Variants in MUSK observed in about 807,000 individuals in gnomAD.
MUSK encodes muscle, skeletal receptor tyrosine-protein kinase.
MUSK carries 55 observed loss-of-function variants against 88.7 expected under a neutral mutation model. The observed-to-expected ratio is 0.62, with a 90% CI of 0.50 to 0.78. The LOEUF (loss-of-function observed/expected upper bound fraction) is 0.78. Among genes scored for constraint, MUSK ranks in the 30% least tolerant of loss-of-function variants. MUSK has a pLI of 0.00. For synonymous variants in MUSK, 387 were observed against 391.9 expected (o/e 0.99, Z 0.15); for missense variants, 1,015 against 1,074.3 (o/e 0.94, Z 0.77).
intron 1 of MUSK, among the ~76,000 whole-genome samples, chr9:110,681,749 G>T (rs796357743): frequency 1.1e-4 from 17 of 151,908 alleles, no homozygotes; most frequent in African/African-American, 3.9e-4. Context: ...TAATAATAAG[G>T]TTTATTCAGA....
intron 1 of MUSK, among the ~76,000 whole-genome samples, chr9:110,676,070 T>A (rs989253875): frequency 1.3e-5 from 2 of 152,070 alleles, no homozygotes; most frequent in African/African-American, 4.8e-5. Context: ...ACTTTATGAA[T>A]TATAAGTTTG....
At chr9:110,723,234 T>TACACACACACACACACACACACAC (rs143582345) in intron 5 of MUSK, among the ~76,000 whole-genome samples, 3 of 146,772 alleles carry the variant, frequency 2.0e-5, no homozygotes, top group Non-Finnish European at 3.0e-5. Flanking sequence ...TACATATACA[T>TACACACACACACACACACACACAC]ACACACACAC....
At chr9:110,738,138 A>T (rs1389608686) in intron 6 of MUSK, among the ~76,000 whole-genome samples, 1 of 152,108 alleles carries the variant, frequency 6.6e-6, no homozygotes, top group Non-Finnish European at 1.5e-5. Context: ...TCAGCTACTT[A>T]GTTGATGTTA....
chr9:110,772,040 TTTGA>T (rs1354158365), intron 9 of MUSK, among the ~76,000 whole-genome samples: 1 of 151,252 alleles, frequency 6.6e-6, no homozygotes, highest in Non-Finnish European at 1.5e-5. Context: ...CTATTAGATT[TTTGA>T]TTGATAGTCT....
chr9:110,689,950 A>ATATAAATATATATTTATATATTATAT (rs2076293464), intron 3 of MUSK, among the ~76,000 whole-genome samples: 2 of 90,448 alleles, frequency 2.2e-5, no homozygotes, highest in Admixed American at 3.8e-4. Flanking sequence ...ATATATTTAA[A>ATATAAATATATATTTATATATTATAT]TATAAATATA....
chr9:110,689,720 T>TTATATATAAATA (rs1250674093), intron 3 of MUSK, among the ~76,000 whole-genome samples: 3 of 57,034 alleles, frequency 5.3e-5, no homozygotes, highest in African/African-American at 1.4e-4. Context: ...ACTATATATG[T>TTATATATAAATA]TATATATAGT....
intron 5 of MUSK, among the ~76,000 whole-genome samples, chr9:110,718,618 AG>A (rs1185492165): frequency 2.0e-5 from 3 of 152,074 alleles, no homozygotes; most frequent in Non-Finnish European, 4.4e-5. Flanking sequence ...GTTGGAAGGA[AG>A]AAGAGAAAGA....
At chr9:110,691,049 G>C (rs924631579) in intron 3 of MUSK, among the ~76,000 whole-genome samples, 13 of 151,338 alleles carry the variant, frequency 8.6e-5, no homozygotes, top group Non-Finnish European at 1.5e-5. Context: ...ATTTTTGGTA[G>C]AGTCAGAGTT....
At chr9:110,761,988 C>T in intron 7 of MUSK, 1 of 933,488 alleles carries the variant, frequency 1.1e-6, no homozygotes, top group East Asian at 1.2e-4. Flanking sequence ...AAAGAACCTG[C>T]TTCCTAAAGA....
intron 3 of MUSK, among the ~76,000 whole-genome samples, chr9:110,693,481 G>A (rs1587914147): frequency 6.6e-6 from 1 of 152,182 alleles, no homozygotes; most frequent in South Asian, 2.1e-4. Context: ...ATTCCTAATG[G>A]TCCATCAGCT....
intron 3 of MUSK, among the ~76,000 whole-genome samples, chr9:110,688,784 G>A (rs1177922365): frequency 6.6e-6 from 1 of 151,712 alleles, no homozygotes; most frequent in African/African-American, 2.4e-5. Flanking sequence ...TCCCTGCAAA[G>A]GACATGATTT....
Position 110,668,808 on chromosome 9 carries a change from C to G in MUSK, c.-97C>G, listed in dbSNP as rs1564201079. 1.1e-6 allele frequency: 1 copy of G among 919,410 alleles called. No homozygotes were observed. Among genetic ancestry groups the G allele is most frequent in the Admixed American group, 1.8e-5 (1 of 54,980 alleles). The allele number at this position is 919,410 out of a possible 1,614,324, so 57.0% of individuals were successfully genotyped here. A position where few individuals can be genotyped will look rare whatever the true frequency, so the allele number is the denominator to read the frequency against. On this transcript the variant is annotated 5_prime_UTR_variant, in exon 1 of 15. Coordinates refer to ENST00000374448, the MANE Select transcript of MUSK (RefSeq NM_005592.4). ...ACACAAACAGTCATTAGCAGACAAC[C>G]CTTTTGCAACAAAGTATGCTTTAAA...
Position 110,697,387 on chromosome 9 carries a change from A to T in MUSK, c.549A>T (p.Glu183Asp). The T allele has an allele frequency of 6.2e-7, 1 of 1,613,154 alleles. No individual in the cohort carries two copies. Among genetic ancestry groups the T allele is most frequent in the Non-Finnish European group, 8.5e-7 (1 of 1,179,396 alleles). The change falls in exon 5 of 15, where the codon GAA (glutamate) becomes GAT (aspartate). Residue 183 changes from glutamate (E) to aspartate (D), a missense_variant. Physicochemically the swap from Glu to Asp is conservative, Grantham distance 45 (BLOSUM62 2). Transcript: ENST00000374448. Reference sequence around the variant, plus strand: ...TGAGGATTCATAACGTACAAAAGGAAGATGCAGGACAGTATCGATGTGTGG... The same window carrying T: ...TGAGGATTCATAACGTACAAAAGGATGATGCAGGACAGTATCGATGTGTGG... ...GSLRIHNVQK[E>D]DAGQYRCVAK...
chr9:110,672,948 A>C (rs762847821), intron 1 of MUSK, among the ~76,000 whole-genome samples: 9 of 152,178 alleles, frequency 5.9e-5, no homozygotes, highest in Non-Finnish European at 1.0e-4. Flanking sequence ...GTTCATTTTC[A>C]TGTATTTGTT....
At chr9:110,730,171 A>T (rs1001462656) in intron 5 of MUSK, among the ~76,000 whole-genome samples, 1 of 151,492 alleles carries the variant, frequency 6.6e-6, no homozygotes, top group African/African-American at 2.4e-5. Context: ...TCATGAATAG[A>T]TCCCATGAGA....
chr9:110,711,719 G>C (rs148669045), intron 5 of MUSK, among the ~76,000 whole-genome samples: 28 of 152,210 alleles, frequency 1.8e-4, no homozygotes, highest in African/African-American at 6.7e-4. Flanking sequence ...GGTTAACATT[G>C]TTGATGCACC....
At chr9:110,714,906 TA>T (rs2076725620) in intron 5 of MUSK, among the ~76,000 whole-genome samples, 2 of 151,204 alleles carry the variant, frequency 1.3e-5, no homozygotes, top group African/African-American at 4.9e-5. Flanking sequence ...CAGATTCAAA[TA>T]ATCTGTATAG....
At chr9:110,781,742 T>C (rs767380760) in intron 11 of MUSK, among the ~76,000 whole-genome samples, 3 of 152,234 alleles carry the variant, frequency 2.0e-5, no homozygotes, top group Non-Finnish European at 4.4e-5. Context: ...GACATAGCTG[T>C]CTTCTCCCTG....
chr9:110,774,445 C>T (rs1588023299), intron 9 of MUSK, among the ~76,000 whole-genome samples: 2 of 152,114 alleles, frequency 1.3e-5, no homozygotes, highest in East Asian at 3.8e-4. Context: ...AAACCAAAAG[C>T]CATTCATTAA....
Sources: gnomAD v4.1 joint callset for allele counts (sites outside exome capture counted in the v4.1 genomes callset) on GRCh38, gnomAD v4.1.1 for gene constraint, MANE v1.5 for transcripts, NCBI Gene and HGNC (gene_info 2026-07-23, HGNC 2026-07-21) for gene names.